TENM3: variants seen among roughly 807,000 people sequenced by gnomAD.
The protein encoded by TENM3 is teneurin-3.
Under a neutral mutation model 255.1 loss-of-function variants are expected in TENM3, and 63 were observed. That is an observed-to-expected ratio of 0.25 (90% CI 0.20 to 0.30). The LOEUF is 0.30. Ranked by LOEUF, TENM3 falls within the 10% of genes least tolerant of loss-of-function variation. The pLI is 1.00. For synonymous variants in TENM3, 1,306 were observed against 1,322.3 expected (o/e 0.99, Z 0.27); for missense variants, 2,929 against 3,461.1 (o/e 0.85, Z 3.86).
At chr4:181,502,884 GAACA>G in the TENM3 span, among the ~76,000 whole-genome samples, 4 of 152,268 alleles carry the variant, frequency 2.6e-5, no homozygotes, top group South Asian at 8.3e-4. Flanking sequence ...GAGCAAGAGT[GAACA>G]AACAGCCTCA....
chr4:182,517,012 A>C (rs911016094), intron 3 of TENM3, among the ~76,000 whole-genome samples: 1 of 152,214 alleles, frequency 6.6e-6, no homozygotes, highest in Non-Finnish European at 1.5e-5. Context: ...ATATAAGAAA[A>C]AAAATAAGGA....
chr4:181,822,168 C>G, the TENM3 span, among the ~76,000 whole-genome samples: 113 of 152,142 alleles, frequency 7.4e-4, no homozygotes, highest in Non-Finnish European at 1.4e-3. Context: ...CACACCCCCC[C>G]ACTTCTGGCT....
the TENM3 span, among the ~76,000 whole-genome samples, chr4:181,635,052 A>G: frequency 6.6e-6 from 1 of 152,138 alleles, no homozygotes; most frequent in African/African-American, 2.4e-5. Context: ...CTCTGAAAAC[A>G]TGAGGTTGTT....
the TENM3 span, among the ~76,000 whole-genome samples, chr4:181,908,135 A>G: frequency 0.07 from 10,687 of 152,060 alleles, 501 homozygotes; most frequent in East Asian, 0.26. Context: ...GCATTTATTT[A>G]TAGTTTCTTT....
the TENM3 span, among the ~76,000 whole-genome samples, chr4:181,572,166 T>C: frequency 7.1e-6 from 1 of 140,128 alleles, no homozygotes; most frequent in Admixed American, 7.2e-5. Flanking sequence ...AGAGATTTGG[T>C]TTAGCAGTTC....
intron 3 of TENM3, among the ~76,000 whole-genome samples, chr4:182,525,040 A>G (rs1305409334): frequency 6.6e-6 from 1 of 152,088 alleles, no homozygotes; most frequent in Non-Finnish European, 1.5e-5. Flanking sequence ...AACAACAACA[A>G]CAAAAAAGAC....
At chr4:182,316,064 T>C (rs1305893899) in intron 1 of TENM3, among the ~76,000 whole-genome samples, 1 of 152,222 alleles carries the variant, frequency 6.6e-6, no homozygotes, top group Non-Finnish European at 1.5e-5. Context: ...TTTCAATTGA[T>C]TGATTTTTCT....
rs551224128 is a variant in TENM3, at chr4:182,209,154, AACGGGGTTTC to A, written c.-76+64403_-76+64412del. Among the ~76,000 whole-genome samples the A allele has an allele frequency of 3.0e-3, 448 of 151,760 alleles. 1 individual carries two copies. Among genetic ancestry groups the A allele is most frequent in the African/African-American group, 0.01 (427 of 41,418 alleles). On this transcript the variant is annotated intron_variant, in intron 1 of 2. Coordinates refer to the TENM3 transcript ENST00000512480. ...GGCCAATTTTTGTATTTTTAGTAGC[AACGGGGTTTC>A]ACCACGTTGGTCAGGCTGGTCTCGA...
the TENM3 span, among the ~76,000 whole-genome samples, chr4:181,700,820 G>C: frequency 6.6e-6 from 1 of 152,310 alleles, no homozygotes. Context: ...TGAAACTGGG[G>C]CGGAGGAACA....
chr4:181,995,220 G>A, the TENM3 span, among the ~76,000 whole-genome samples: 2 of 152,132 alleles, frequency 1.3e-5, no homozygotes, highest in African/African-American at 4.8e-5. Flanking sequence ...AACCCGGGGG[G>A]CGGAGGTTGC....
At chr4:182,125,684 ATAAAATAAAGAAAG>A in the TENM3 span, among the ~76,000 whole-genome samples, 1 of 152,168 alleles carries the variant, frequency 6.6e-6, no homozygotes, top group African/African-American at 2.4e-5. Context: ...AAAACAGTGA[ATAAAATAAAGAAAG>A]TAAAATAAAA....
the TENM3 span, among the ~76,000 whole-genome samples, chr4:181,904,997 T>C: frequency 6.6e-6 from 1 of 152,166 alleles, no homozygotes; most frequent in Non-Finnish European, 1.5e-5. Context: ...GACTTGCTCC[T>C]CCCTTACCTT....
At chr4:181,934,043 C>T in the TENM3 span, among the ~76,000 whole-genome samples, 3 of 142,162 alleles carry the variant, frequency 2.1e-5, no homozygotes, top group Admixed American at 2.1e-4. Flanking sequence ...GTAAAATTCC[C>T]CTTTCTGTGT....
intron 1 of TENM3, among the ~76,000 whole-genome samples, chr4:182,285,152 C>T (rs981726018): frequency 1.3e-5 from 2 of 152,078 alleles, no homozygotes; most frequent in Non-Finnish European, 2.9e-5. Context: ...GATGTTATTG[C>T]ACTTCTCCCT....
At chr4:181,639,543 C>T in the TENM3 span, among the ~76,000 whole-genome samples, 1 of 152,124 alleles carries the variant, frequency 6.6e-6, no homozygotes, top group Non-Finnish European at 1.5e-5. Flanking sequence ...AGTTTGAGAC[C>T]AGCCTGGCCA....
the TENM3 span, among the ~76,000 whole-genome samples, chr4:181,685,977 C>T: frequency 1.3e-5 from 2 of 152,094 alleles, no homozygotes; most frequent in African/African-American, 4.8e-5. Context: ...ACATTTTAGC[C>T]ATCGAAGGTG....
At chr4:181,994,576 T>C in the TENM3 span, among the ~76,000 whole-genome samples, 1 of 134,934 alleles carries the variant, frequency 7.4e-6, no homozygotes, top group South Asian at 2.4e-4. Context: ...TTTTGTGAAC[T>C]CAATTTGTAC....
At chr4:181,530,854 ACTGAT>A in the TENM3 span, among the ~76,000 whole-genome samples, 6 of 152,178 alleles carry the variant, frequency 3.9e-5, no homozygotes, top group African/African-American at 1.4e-4. Flanking sequence ...GAAAACATGA[ACTGAT>A]CTAAGAAGTT....
chr4:181,806,707 C>T, the TENM3 span, among the ~76,000 whole-genome samples: 1 of 152,212 alleles, frequency 6.6e-6, no homozygotes, highest in Non-Finnish European at 1.5e-5. Flanking sequence ...TCCCTGGCCT[C>T]TAGAACTGTA....
Sources: gnomAD v4.1 joint callset for allele counts (sites outside exome capture counted in the v4.1 genomes callset) on GRCh38, gnomAD v4.1.1 for gene constraint, MANE v1.5 for transcripts, NCBI Gene and HGNC (gene_info 2026-07-23, HGNC 2026-07-21) for gene names.